The following SIK3 variants were observed in gnomAD, a reference collection of about 807,000 sequenced individuals.
SIK3 encodes serine/threonine-protein kinase SIK3.
Under a neutral mutation model 144.2 loss-of-function variants are expected in SIK3, and 28 were observed. That is an observed-to-expected ratio of 0.19 (90% CI 0.14 to 0.27). The LOEUF (loss-of-function observed/expected upper bound fraction) is 0.27, where lower values mean the gene tolerates loss of function less well. Ranked by LOEUF, SIK3 falls within the 10% of genes least tolerant of loss-of-function variation. SIK3 has a pLI of 1.00. For missense variants in SIK3, 1,319 were observed against 1,776.0 expected, an observed-to-expected ratio of 0.74 and a Z score of 4.62; for synonymous variants, 686 against 676.3, an observed-to-expected ratio of 1.01 and a Z score of -0.22.
At chr11:116,920,271 G>A (rs1946887727) in intron 4 of SIK3, among the ~76,000 whole-genome samples, 1 of 151,012 alleles carries the variant, frequency 6.6e-6, no homozygotes, top group South Asian at 2.1e-4. Flanking sequence ...CGTGCAACTG[G>A]CCTTTGCCAT....
chr11:116,875,668 A>G (rs1227559052), intron 9 of SIK3, among the ~76,000 whole-genome samples, 198 bp downstream of exon 9: 2 of 152,164 alleles, frequency 1.3e-5, no homozygotes, highest in African/African-American at 4.8e-5. Context: ...AGGCACAACT[A>G]TTGTTGCTCA....
chr11:117,030,303 T>C (rs1217878039), intron 1 of SIK3, among the ~76,000 whole-genome samples: 1 of 152,188 alleles, frequency 6.6e-6, no homozygotes, highest in Admixed American at 6.5e-5. Flanking sequence ...GAAGTTTACA[T>C]ACAAAAATGT....
At chr11:116,960,765 C>G (rs1006127492) in intron 1 of SIK3, among the ~76,000 whole-genome samples, 6 of 151,950 alleles carry the variant, frequency 3.9e-5, no homozygotes, top group Non-Finnish European at 8.8e-5. Context: ...ATACATGCAA[C>G]CTGATTAATA....
intron 1 of SIK3, among the ~76,000 whole-genome samples, chr11:117,050,540 G>A (rs1953190957): frequency 6.6e-6 from 1 of 151,516 alleles, no homozygotes; most frequent in Admixed American, 6.6e-5. Flanking sequence ...ACAAAAATTA[G>A]CCAGGCGTGG....
chr11:117,001,165 CTAAAT>C (rs1950835190), intron 1 of SIK3, among the ~76,000 whole-genome samples: 1 of 152,216 alleles, frequency 6.6e-6, no homozygotes, highest in Non-Finnish European at 1.5e-5. Context: ...GTATGACTAT[CTAAAT>C]TAATGTCTTG....
chr11:116,931,627 G>C (rs1947607490), intron 3 of SIK3, among the ~76,000 whole-genome samples: 1 of 152,188 alleles, frequency 6.6e-6, no homozygotes, highest in East Asian at 1.9e-4. Flanking sequence ...GGAAAAGGCA[G>C]TATGTGTGCT....
intron 13 of SIK3, among the ~76,000 whole-genome samples, chr11:116,870,827 C>T (rs775347876): frequency 9.2e-5 from 14 of 152,072 alleles, no homozygotes; most frequent in Non-Finnish European, 1.9e-4. Flanking sequence ...CTAGCAGGAA[C>T]CTGAAGGATG....
At position 117,019,015 on chromosome 11, in the gene SIK3, T is replaced by C. The variant is rs1010157400; in HGVS notation, c.274-61951A>G. Among the ~76,000 whole-genome samples the C allele has an allele frequency of 2.0e-5, 3 of 151,170 alleles. No homozygotes were observed. In the East Asian group the frequency reaches 5.8e-4, roughly 29 times the overall value. Reference sequence around the variant, plus strand: ...GGTGAGCCACTGCACCTGGCTTTTATTGTAACTTTTTTTTTTCCCTTAGAG... The same window carrying C: ...GGTGAGCCACTGCACCTGGCTTTTACTGTAACTTTTTTTTTTCCCTTAGAG... On this transcript the variant is annotated intron_variant, in intron 1 of 24. Coordinates refer to ENST00000445177, the MANE Select transcript of SIK3 (RefSeq NM_001366686.3).
At chr11:116,864,522 A>T (rs1565379878) in intron 15 of SIK3, 1 of 152,372 alleles carries the variant, frequency 6.6e-6, no homozygotes, top group Non-Finnish European at 1.5e-5. Flanking sequence ...GATTACCTTC[A>T]AAGACCCCAC....
At chr11:116,954,337 T>C (rs557966977) in intron 2 of SIK3, among the ~76,000 whole-genome samples, 1 of 152,178 alleles carries the variant, frequency 6.6e-6, no homozygotes, top group Non-Finnish European at 1.5e-5. Context: ...TTGAGAGAGA[T>C]AGGCTTTTTG....
At chr11:116,991,062 C>T (rs915297443) in intron 1 of SIK3, among the ~76,000 whole-genome samples, 3 of 152,284 alleles carry the variant, frequency 2.0e-5, no homozygotes, top group East Asian at 1.9e-4. Context: ...ATGAATTAAA[C>T]CAAAGTTTAA....
intron 1 of SIK3, among the ~76,000 whole-genome samples, chr11:117,060,976 G>A (rs1259685580): frequency 6.6e-6 from 1 of 152,194 alleles, no homozygotes; most frequent in East Asian, 1.9e-4. Flanking sequence ...GCCAGATGCT[G>A]TGGCTCACAC....
chr11:117,040,703 C>T (rs777220190), intron 1 of SIK3, among the ~76,000 whole-genome samples: 6 of 152,052 alleles, frequency 3.9e-5, no homozygotes, highest in Non-Finnish European at 8.8e-5. Flanking sequence ...GAAGACTTAC[C>T]ATGGAAGACT....
chr11:117,040,967 T>TTA (rs1565585772), intron 1 of SIK3, among the ~76,000 whole-genome samples: 1 of 148,860 alleles, frequency 6.7e-6, no homozygotes, highest in African/African-American at 2.5e-5. Context: ...TTTTTTTTTT[T>TTA]AGCAAGGGCA....
At chr11:117,084,599 T>A (rs776595602) in intron 1 of SIK3, among the ~76,000 whole-genome samples, 40 of 152,310 alleles carry the variant, frequency 2.6e-4, no homozygotes, top group Non-Finnish European at 4.0e-4. Context: ...TTCTTACCAA[T>A]AATTAACTGT....
intron 1 of SIK3, among the ~76,000 whole-genome samples, chr11:117,049,142 A>G (rs1030452357): frequency 6.6e-6 from 1 of 152,060 alleles, no homozygotes; most frequent in African/African-American, 2.4e-5. Context: ...GATTTCTCTC[A>G]GTTTTTTTGT....
intron 1 of SIK3, among the ~76,000 whole-genome samples, chr11:117,006,499 A>T (rs887661376): frequency 1.3e-5 from 2 of 152,160 alleles, no homozygotes; most frequent in African/African-American, 4.8e-5. Flanking sequence ...GTGGTGAGGG[A>T]GATCAGAAAC....
intron 6 of SIK3, among the ~76,000 whole-genome samples, chr11:116,895,788 G>C (rs376859146): frequency 6.6e-6 from 1 of 152,164 alleles, no homozygotes; most frequent in East Asian, 1.9e-4. Context: ...GCAGTAGCAA[G>C]ACTAAGATGC....
rs1491171268 is a variant in SIK3, at chr11:116,844,629, A to ATTTTTTAT, written c.*1013_*1014insATAAAAAA. Reference sequence around the variant, plus strand: ...TATATTATATATATAATATATATATAATATATTATATTATATATTATATAT... The same window carrying ATTTTTTAT: ...TATATTATATATATAATATATATATATTTTTTATATATATTATATTATATATTATATAT... On this transcript the variant is annotated 3_prime_UTR_variant, in exon 25 of 25. Coordinates refer to ENST00000445177, the MANE Select transcript of SIK3 (RefSeq NM_001366686.3). 1 of 42,458 alleles carries ATTTTTTAT rather than the reference A, an allele frequency of 2.4e-5. No individual in the cohort carries two copies. The highest frequency in any genetic ancestry group is 2.3e-4 in the African/African-American group (1 of 4,338). 2.6% of individuals were successfully genotyped at this position (42,458 alleles called of 1,614,324 possible).
Sources: allele counts gnomAD v4.1 joint callset (sites outside exome capture counted in the v4.1 genomes callset), GRCh38; gene constraint gnomAD v4.1.1; transcripts MANE v1.5; gene names NCBI Gene and HGNC (gene_info 2026-07-23, HGNC 2026-07-21).